ADAMTS3: variants seen among roughly 807,000 people sequenced by gnomAD.
ADAMTS3 encodes A disintegrin and metalloproteinase with thrombospondin motifs 3.
Under a neutral mutation model 129.0 loss-of-function variants are expected in ADAMTS3, and 73 were observed. That is an observed-to-expected ratio of 0.57 (90% CI 0.47 to 0.69). The LOEUF (loss-of-function observed/expected upper bound fraction) is 0.69. ADAMTS3 is among the 30% of genes least tolerant of loss of function. The pLI is 0.00. For missense variants in ADAMTS3, 1,457 were observed against 1,514.5 expected, an observed-to-expected ratio of 0.96 and a Z score of 0.63; for synonymous variants, 477 against 510.8, an observed-to-expected ratio of 0.93 and a Z score of 0.89.
At chr4:72,285,155 TC>T (rs1168946863) in intron 21 of ADAMTS3, among the ~76,000 whole-genome samples, 2 of 151,822 alleles carry the variant, frequency 1.3e-5, no homozygotes, top group South Asian at 2.1e-4. Context: ...AAAGAGAGAG[TC>T]AGCTGGCGAA....
At chr4:72,407,475 A>G (rs1397795436) in intron 4 of ADAMTS3, among the ~76,000 whole-genome samples, 3 of 152,274 alleles carry the variant, frequency 2.0e-5, no homozygotes, top group Non-Finnish European at 4.4e-5. Context: ...ACTTGAAAAC[A>G]TAAAAACAAA....
chr4:72,404,475 C>A (rs1203183666), intron 4 of ADAMTS3, among the ~76,000 whole-genome samples: 2 of 151,936 alleles, frequency 1.3e-5, no homozygotes, highest in Admixed American at 1.3e-4. Context: ...TGTAATTGAA[C>A]CCTCATCTTA....
chr4:72,479,112 T>C (rs1719343638), intron 3 of ADAMTS3, among the ~76,000 whole-genome samples: 2 of 152,140 alleles, frequency 1.3e-5, no homozygotes, highest in African/African-American at 2.4e-5. Context: ...AGAATGGCCA[T>C]ACTGCCCAGG....
chr4:72,315,748 T>A, intron 11 of ADAMTS3, 110 bp downstream of exon 11: 1 of 674,840 alleles, frequency 1.5e-6, no homozygotes. Flanking sequence ...TTGCATACTA[T>A]GGTTTTCATA....
chr4:72,416,172 A>AATATAAATATATACATACATATATGT (rs1553913384), intron 3 of ADAMTS3, among the ~76,000 whole-genome samples: 2 of 146,084 alleles, frequency 1.4e-5, no homozygotes, highest in African/African-American at 5.0e-5. Context: ...AGCAAATATA[A>AATATAAATATATACATACATATATGT]ATATAAATAT....
chr4:72,429,346 C>G (rs953893938), intron 3 of ADAMTS3, among the ~76,000 whole-genome samples: 1 of 151,930 alleles, frequency 6.6e-6, no homozygotes, highest in Non-Finnish European at 1.5e-5. Context: ...TATAGAATAA[C>G]TCAAGGTGTC....
chr4:72,366,638 C>G (rs1002984722), intron 4 of ADAMTS3, among the ~76,000 whole-genome samples: 2 of 151,968 alleles, frequency 1.3e-5, no homozygotes, highest in African/African-American at 4.8e-5. Context: ...GCAAGGAAAG[C>G]CTAGGTCTTG....
At chr4:72,305,575 T>C (rs147265546) in intron 16 of ADAMTS3, among the ~76,000 whole-genome samples, 528 of 152,006 alleles carry the variant, frequency 3.5e-3, no homozygotes, top group Non-Finnish European at 6.1e-3. Flanking sequence ...CTCATATAGT[T>C]AGGAACCAAC....
chr4:72,426,523 C>A (rs756408990), intron 3 of ADAMTS3, among the ~76,000 whole-genome samples: 1 of 152,032 alleles, frequency 6.6e-6, no homozygotes, highest in African/African-American at 2.4e-5. Flanking sequence ...AAACAGCATG[C>A]TTTCTGTTAT....
rs766691481 is a variant in ADAMTS3, at chr4:72,567,357, C to G, written c.97+17G>C. 7.4e-6 allele frequency: 12 copies of G among 1,612,880 alleles called. No individual in the cohort carries two copies. The East Asian group carries it at 1.1e-4, about 15-fold the overall frequency. On this transcript the variant is annotated intron_variant, in intron 2 of 21. Coordinates refer to ENST00000286657, the MANE Select transcript of ADAMTS3 (RefSeq NM_014243.3). ...TTTCAACTTAAGATAAGAGTGACATCTGAGAACAAAGCTTACCTATTTGCA... is the reference window on the plus strand; with the variant it reads ...TTTCAACTTAAGATAAGAGTGACATGTGAGAACAAAGCTTACCTATTTGCA...
At chr4:72,465,605 A>G (rs1718897834) in intron 3 of ADAMTS3, among the ~76,000 whole-genome samples, 1 of 152,006 alleles carries the variant, frequency 6.6e-6, no homozygotes, top group African/African-American at 2.4e-5. Flanking sequence ...GATTGAACTA[A>G]AAAGGGCAAA....
At chr4:72,317,570 T>C (rs759011583) in intron 10 of ADAMTS3, among the ~76,000 whole-genome samples, 9 of 152,056 alleles carry the variant, frequency 5.9e-5, no homozygotes, top group Non-Finnish European at 1.3e-4. Context: ...CTTTAATGGA[T>C]TCCATTTAAC....
chr4:72,320,629 G>T, intron 7 of ADAMTS3, 85 bp downstream of exon 7: 1 of 1,406,540 alleles, frequency 7.1e-7, no homozygotes, highest in Non-Finnish European at 9.8e-7. Context: ...GTGGAGAGCA[G>T]AACATTTGAA....
intron 4 of ADAMTS3, among the ~76,000 whole-genome samples, chr4:72,373,899 AAATAAT>A (rs58311705): frequency 0.05 from 6,982 of 140,974 alleles, 572 homozygotes; most frequent in African/African-American, 0.17. Flanking sequence ...CCCCATCTCA[AAATAAT>A]AATAATAATA....
At chr4:72,452,670 A>T (rs1177636415) in intron 3 of ADAMTS3, among the ~76,000 whole-genome samples, 1 of 151,766 alleles carries the variant, frequency 6.6e-6, no homozygotes, top group African/African-American at 2.4e-5. Flanking sequence ...ATACACAGGC[A>T]GTCTTGAGCT....
At chr4:72,563,576 G>A (rs771618965) in intron 2 of ADAMTS3, among the ~76,000 whole-genome samples, 1 of 152,232 alleles carries the variant, frequency 6.6e-6, no homozygotes, top group South Asian at 2.1e-4. Flanking sequence ...TACTTATTGA[G>A]TACAAACAGA....
intron 3 of ADAMTS3, among the ~76,000 whole-genome samples, chr4:72,427,000 A>G (rs1220174081): frequency 6.6e-6 from 1 of 152,162 alleles, no homozygotes; most frequent in East Asian, 1.9e-4. Flanking sequence ...AAAAAGGATC[A>G]GCCCTATATT....
At chr4:72,390,232 C>T (rs928221700) in intron 4 of ADAMTS3, among the ~76,000 whole-genome samples, 4 of 152,138 alleles carry the variant, frequency 2.6e-5, no homozygotes, top group African/African-American at 9.7e-5. Context: ...ATAAGAATCA[C>T]ATTACAAAAG....
chr4:72,437,322 A>C (rs1253287132), intron 3 of ADAMTS3, among the ~76,000 whole-genome samples: 1 of 151,874 alleles, frequency 6.6e-6, no homozygotes, highest in African/African-American at 2.4e-5. Flanking sequence ...TCAGCATGAA[A>C]AGCATCTGCA....
Sources: allele counts gnomAD v4.1 joint callset (sites outside exome capture counted in the v4.1 genomes callset), GRCh38; gene constraint gnomAD v4.1.1; transcripts MANE v1.5; gene names NCBI Gene and HGNC (gene_info 2026-07-23, HGNC 2026-07-21).